The following CDH12 variants were observed in gnomAD, a reference collection of about 807,000 sequenced individuals.
CDH12 encodes cadherin-12.
A neutral mutation model predicts 74.1 loss-of-function variants in CDH12; 41 were observed. The ratio of observed to expected loss-of-function variants is 0.55; its 90% CI spans 0.43 to 0.72. CDH12 has a LOEUF of 0.72. Ranked by LOEUF, CDH12 falls within the 30% of genes least tolerant of loss-of-function variation. The probability of loss-of-function intolerance (pLI) is 0.00; values close to 1 mark genes in which losing one functional copy is unlikely to be tolerated. For synonymous variants in CDH12, 399 were observed against 355.0 expected (o/e 1.12, Z -1.39); for missense variants, 945 against 977.2 (o/e 0.97, Z 0.44).
chr5:22,376,631 C>T (rs932460745), intron 3 of CDH12, among the ~76,000 whole-genome samples: 2 of 151,846 alleles, frequency 1.3e-5, no homozygotes, highest in African/African-American at 4.8e-5. Flanking sequence ...GTCCTCCCAC[C>T]TCAGCCTTAT....
At chr5:21,910,637 T>C (rs993841131) in intron 6 of CDH12, among the ~76,000 whole-genome samples, 1 of 151,546 alleles carries the variant, frequency 6.6e-6, no homozygotes, top group Non-Finnish European at 1.5e-5. Flanking sequence ...TGGGAACATG[T>C]GAAGGAGAGG....
intron 2 of CDH12, among the ~76,000 whole-genome samples, chr5:22,406,677 A>G (rs1742953331): frequency 6.6e-6 from 1 of 152,180 alleles, no homozygotes; most frequent in African/African-American, 2.4e-5. Context: ...TATTCTGAAC[A>G]AAGCTTCTAA....
intron 3 of CDH12, among the ~76,000 whole-genome samples, chr5:22,399,220 ATCTATCT>A (rs1160580287): frequency 6.6e-6 from 1 of 151,760 alleles, no homozygotes; most frequent in Non-Finnish European, 1.5e-5. Context: ...CTATCTATCT[ATCTATCT>A]ATCTATCTAA....
chr5:21,765,224 A>G (rs1241261001), intron 11 of CDH12, 125 bp from the exon 12 acceptor site: 3 of 747,154 alleles, frequency 4.0e-6, no homozygotes, highest in South Asian at 6.4e-5. Flanking sequence ...TCCTTCTTAT[A>G]GGAAATCCTG....
At chr5:22,347,497 A>G (rs1365479465) in intron 3 of CDH12, among the ~76,000 whole-genome samples, 1 of 152,076 alleles carries the variant, frequency 6.6e-6, no homozygotes, top group African/African-American at 2.4e-5. Context: ...CGGCTTCCCT[A>G]CTTTTGAGGT....
intron 4 of CDH12, among the ~76,000 whole-genome samples, chr5:22,198,984 C>T (rs1029314353): frequency 2.0e-5 from 3 of 151,854 alleles, no homozygotes; most frequent in Admixed American, 2.0e-4. Flanking sequence ...AGTGAATGGT[C>T]TTTCAATAAC....
At chr5:22,609,422 T>C (rs920316117) in intron 1 of CDH12, among the ~76,000 whole-genome samples, 1 of 152,232 alleles carries the variant, frequency 6.6e-6, no homozygotes, top group African/African-American at 2.4e-5. Context: ...GTTTCTGGCC[T>C]AAGTGTTTGC....
chr5:22,117,393 T>C (rs1255393911), intron 4 of CDH12, among the ~76,000 whole-genome samples: 3 of 136,974 alleles, frequency 2.2e-5, no homozygotes, highest in African/African-American at 5.5e-5. Flanking sequence ...CCAGAATCCA[T>C]GCACTATTCT....
chr5:22,057,530 G>C (rs956120000), intron 5 of CDH12, among the ~76,000 whole-genome samples: 1 of 152,134 alleles, frequency 6.6e-6, no homozygotes, highest in Admixed American at 6.6e-5. Flanking sequence ...CCGGGGGTGA[G>C]GGATGGGGGA....
chr5:21,901,277 C>T (rs1753373742), intron 6 of CDH12, among the ~76,000 whole-genome samples: 1 of 152,046 alleles, frequency 6.6e-6, no homozygotes, highest in Non-Finnish European at 1.5e-5. Context: ...TTATTATAGT[C>T]TAATTCCAAT....
At chr5:21,999,658 C>T (rs1039167085) in intron 5 of CDH12, among the ~76,000 whole-genome samples, 13 of 151,732 alleles carry the variant, frequency 8.6e-5, no homozygotes, top group African/African-American at 1.2e-4. Flanking sequence ...TGTACAGGTG[C>T]GCATCTGCAA....
At chr5:22,196,844 C>T (rs1750644977) in intron 4 of CDH12, among the ~76,000 whole-genome samples, 1 of 152,152 alleles carries the variant, frequency 6.6e-6, no homozygotes, top group Non-Finnish European at 1.5e-5. Flanking sequence ...TTAATTATTT[C>T]ATGCGATAGA....
In CDH12 at chr5:22,648,511, T is replaced by C. The variant is rs138409042; in HGVS notation, c.-522-143147A>G. On this transcript the variant is annotated intron_variant, in intron 1 of 14. Transcript: ENST00000382254. ...TCACTGTATTGGGCTTAGGAAAATA[T>C]GGTTGCAGTATTTTCTAGGAGATAT... Among the ~76,000 whole-genome samples, 1,476 of 151,990 alleles carry C rather than the reference T, an allele frequency of 9.7e-3. 15 individuals carry two copies. Among genetic ancestry groups the C allele is most frequent in the African/African-American group, 0.03 (1,240 of 41,522 alleles).
At chr5:22,613,328 T>C (rs759741348) in intron 1 of CDH12, among the ~76,000 whole-genome samples, 43 of 152,120 alleles carry the variant, frequency 2.8e-4, no homozygotes, top group Middle Eastern at 3.2e-3. Flanking sequence ...CAAATATAGA[T>C]ATTGACTTTA....
intron 5 of CDH12, among the ~76,000 whole-genome samples, chr5:21,999,162 T>C (rs1736460675): frequency 6.6e-6 from 1 of 152,144 alleles, no homozygotes; most frequent in Non-Finnish European, 1.5e-5. Flanking sequence ...ATGCTTTAGC[T>C]GAGACTTACC....
At chr5:22,807,769 A>T (rs138010233) in intron 1 of CDH12, among the ~76,000 whole-genome samples, 75 of 152,296 alleles carry the variant, frequency 4.9e-4, no homozygotes, top group Non-Finnish European at 8.1e-4. Context: ...AAATAAGATT[A>T]AAAATTGCAC....
chr5:22,330,893 G>A (rs1223789914), intron 3 of CDH12, among the ~76,000 whole-genome samples: 1 of 152,060 alleles, frequency 6.6e-6, no homozygotes, highest in African/African-American at 2.4e-5. Context: ...AGCATTTCTG[G>A]ACATACCATG....
intron 4 of CDH12, among the ~76,000 whole-genome samples, chr5:22,202,202 C>CCTTCCTTCCTTCCTTT (rs1750968198): frequency 7.5e-6 from 1 of 134,072 alleles, no homozygotes; most frequent in Non-Finnish European, 1.6e-5. Context: ...TTCCTTCCTT[C>CCTTCCTTCCTTCCTTT]TTTCAACATA....
At chr5:22,769,943 A>T (rs914229279) in intron 1 of CDH12, among the ~76,000 whole-genome samples, 2 of 152,102 alleles carry the variant, frequency 1.3e-5, no homozygotes. Flanking sequence ...CCTTAAATAG[A>T]CAAGATACAC....
Sources: gnomAD v4.1 joint callset for allele counts (sites outside exome capture counted in the v4.1 genomes callset) on GRCh38, gnomAD v4.1.1 for gene constraint, MANE v1.5 for transcripts, NCBI Gene and HGNC (gene_info 2026-07-23, HGNC 2026-07-21) for gene names.